Variants in BCAR3 observed in about 807,000 individuals in gnomAD.
BCAR3 encodes the protein BCAR3 adaptor protein, NSP family member, also known as breast cancer anti-estrogen resistance protein 3.
Under a neutral mutation model 80.1 loss-of-function variants are expected in BCAR3, and 37 were observed. The ratio of observed to expected loss-of-function variants is 0.46; its 90% confidence interval spans 0.36 to 0.61. The LOEUF (loss-of-function observed/expected upper bound fraction) is 0.61. Ranked by LOEUF, BCAR3 falls within the 20% of genes least tolerant of loss-of-function variation. BCAR3 has a pLI of 0.00. For synonymous variants in BCAR3, 389 were observed against 418.9 expected (o/e 0.93, Z 0.87); for missense variants, 978 against 1,068.2 (o/e 0.92, Z 1.18).
At chr1:93,652,703 G>A (rs1429184035) in intron 2 of BCAR3, among the ~76,000 whole-genome samples, 1 of 151,898 alleles carries the variant, frequency 6.6e-6, no homozygotes, top group Non-Finnish European at 1.5e-5. Context: ...ATTCCATGGT[G>A]GGTGCATCTC....
chr1:93,599,471 A>G (rs1354541147), intron 3 of BCAR3: 4 of 152,224 alleles, frequency 2.6e-5, no homozygotes, highest in Non-Finnish European at 5.9e-5. Context: ...AGGGCAGCCC[A>G]ACATTGGTGG....
In BCAR3 at chr1:93,742,216, G is replaced by A. The variant is rs539645842; in HGVS notation, c.-62-36074C>T. On this transcript the variant is annotated intron_variant, in intron 2 of 13. Transcript: ENST00000370244. ...GCTATTTGCTAACCAGAAGACTTAG[G>A]AATAGGAGAATTAAGGTGAGGGACA... Among the ~76,000 whole-genome samples the A allele has an allele frequency of 8.5e-5, 13 of 152,294 alleles. No individual in the cohort carries two copies. The South Asian group carries it at 2.7e-3, about 32-fold the overall frequency.
intron 11 of BCAR3, among the ~76,000 whole-genome samples, chr1:93,563,193 C>G (rs1672775000): frequency 6.6e-6 from 1 of 152,212 alleles, no homozygotes; most frequent in African/African-American, 2.4e-5. Context: ...ACCTTAGTAC[C>G]TCTTTGCAGT....
chr1:93,614,872 C>A (rs112199359), intron 3 of BCAR3, among the ~76,000 whole-genome samples: 1 of 152,150 alleles, frequency 6.6e-6, no homozygotes, highest in Non-Finnish European at 1.5e-5. Flanking sequence ...TCGCATCCAA[C>A]GCAGCCAAGC....
intron 7 of BCAR3, among the ~76,000 whole-genome samples, chr1:93,581,502 C>T (rs1216243008): frequency 6.6e-6 from 1 of 151,978 alleles, no homozygotes; most frequent in Non-Finnish European, 1.5e-5. Context: ...CCTCCGCCTC[C>T]CAGGTTCAAG....
At chr1:93,750,314 T>A (rs1480771780) in intron 2 of BCAR3, among the ~76,000 whole-genome samples, 1 of 152,208 alleles carries the variant, frequency 6.6e-6, no homozygotes, top group Non-Finnish European at 1.5e-5. Flanking sequence ...GGGAATGAAG[T>A]GGCAGCCTTT....
At chr1:93,643,299 C>T (rs1425643336) in intron 2 of BCAR3, among the ~76,000 whole-genome samples, 3 of 148,644 alleles carry the variant, frequency 2.0e-5, no homozygotes, top group South Asian at 2.1e-4. Context: ...CCGAGGCAGG[C>T]GGATCATTTG....
In BCAR3 at chr1:93,596,906, G is replaced by A. The variant is rs1674438999; in HGVS notation, c.358-4513C>T. ...ACCCCACACAGCAGCTGTGGGCTCA[G>A]CCTCCAGAGGAAGGGATGCTGCTGG... On this transcript the variant is annotated intron_variant, in intron 3 of 11. Coordinates refer to ENST00000260502, the MANE Select transcript of BCAR3 (RefSeq NM_003567.4). 2.0e-5 allele frequency among the ~76,000 whole-genome samples: 3 copies of A among 152,182 alleles called. No individual in the cohort carries two copies. In the South Asian group the frequency reaches 6.2e-4, roughly 32 times the overall value.
intron 2 of BCAR3, among the ~76,000 whole-genome samples, chr1:93,739,002 T>G (rs979922658): frequency 2.6e-5 from 4 of 152,126 alleles, no homozygotes; most frequent in Non-Finnish European, 5.9e-5. Context: ...AAGCAACTGG[T>G]GGAAAGGCAC....
intron 2 of BCAR3, among the ~76,000 whole-genome samples, chr1:93,727,026 T>C (rs1234052599): frequency 6.6e-6 from 1 of 152,230 alleles, no homozygotes; most frequent in African/African-American, 2.4e-5. Context: ...GCAGAGCTTT[T>C]GTTTATCTAA....
At chr1:93,762,738 G>A (rs1465998064) in intron 2 of BCAR3, among the ~76,000 whole-genome samples, 1 of 152,080 alleles carries the variant, frequency 6.6e-6, no homozygotes, top group African/African-American at 2.4e-5. Flanking sequence ...TCTCTGCAAA[G>A]ATGGCCCTTC....
chr1:93,813,751 T>C (rs375009091), intron 2 of BCAR3, among the ~76,000 whole-genome samples: 49 of 152,380 alleles, frequency 3.2e-4, no homozygotes, highest in African/African-American at 1.1e-3. Context: ...ACAATACTAC[T>C]ATCTAAACCA....
At chr1:93,723,083 C>T (rs775792206) in intron 2 of BCAR3, among the ~76,000 whole-genome samples, 1 of 152,196 alleles carries the variant, frequency 6.6e-6, no homozygotes, top group African/African-American at 2.4e-5. Flanking sequence ...TAGACCCCAG[C>T]TCCAGAGGCA....
intron 2 of BCAR3, among the ~76,000 whole-genome samples, chr1:93,654,469 T>C (rs982249103): frequency 6.6e-6 from 1 of 152,092 alleles, no homozygotes; most frequent in African/African-American, 2.4e-5. Flanking sequence ...TGAATGAGTG[T>C]GGGAGCAGAT....
chr1:93,781,595 T>C (rs191077032), intron 2 of BCAR3, among the ~76,000 whole-genome samples: 73 of 152,326 alleles, frequency 4.8e-4, no homozygotes, highest in African/African-American at 1.7e-3. Context: ...AAAACAGGGC[T>C]CTGGGAGGAT....
intron 7 of BCAR3, among the ~76,000 whole-genome samples, chr1:93,578,251 G>C (rs1025966849): frequency 3.3e-5 from 5 of 152,056 alleles, no homozygotes; most frequent in African/African-American, 1.2e-4. Context: ...CAGCCGCAAG[G>C]GCCTTTCTAA....
intron 2 of BCAR3, among the ~76,000 whole-genome samples, chr1:93,650,079 G>A (rs1015879442): frequency 6.6e-6 from 1 of 151,898 alleles, no homozygotes; most frequent in Admixed American, 6.6e-5. Flanking sequence ...AGGAGGGTGC[G>A]ATGGCTCACA....
At position 93,839,710 on chromosome 1, in the gene BCAR3, AT is replaced by A. The variant is rs563277003; in HGVS notation, c.-63+5856del. Among the ~76,000 whole-genome samples the A allele has an allele frequency of 2.1e-3, 318 of 152,222 alleles. 1 individual carries two copies. The highest frequency in any genetic ancestry group is 7.2e-3 in the African/African-American group (301 of 41,540). On this transcript the variant is annotated intron_variant, in intron 2 of 13. Coordinates refer to the BCAR3 transcript ENST00000370244. ...AAAGGTCATAGTTTCCTCTGAAGTA[AT>A]TTTTTTGGGCCAATATATCAGATTG...
intron 3 of BCAR3, among the ~76,000 whole-genome samples, chr1:93,624,313 A>G (rs765771279): frequency 8.5e-5 from 13 of 152,364 alleles, no homozygotes; most frequent in Non-Finnish European, 1.8e-4. Context: ...TTCCCGGTAC[A>G]GTCACCTGCG....
Sources: allele counts gnomAD v4.1 joint callset (sites outside exome capture counted in the v4.1 genomes callset), GRCh38; gene constraint gnomAD v4.1.1; transcripts MANE v1.5; gene names NCBI Gene and HGNC (gene_info 2026-07-23, HGNC 2026-07-21).